Variants in DPYD observed in about 807,000 individuals in gnomAD.
DPYD encodes dihydropyrimidine dehydrogenase [NADP(+)].
In DPYD, 109 loss-of-function variants were observed where a neutral mutation model predicts 116.2. The observed-to-expected ratio is 0.94, with a 90% CI of 0.80 to 1.10. The LOEUF (loss-of-function observed/expected upper bound fraction) is 1.10. DPYD is among the 50% of genes least tolerant of loss of function. DPYD has a pLI of 0.00. For synonymous variants in DPYD, 440 were observed against 432.0 expected (o/e 1.02, Z -0.23); for missense variants, 1,302 against 1,254.5 (o/e 1.04, Z -0.57).
intron 2 of DPYD, among the ~76,000 whole-genome samples, chr1:97,845,917 G>T (rs1670277864): frequency 6.6e-6 from 1 of 152,184 alleles, no homozygotes; most frequent in Non-Finnish European, 1.5e-5. Context: ...CATGGAGCCG[G>T]GACCTGTACC....
intron 16 of DPYD, among the ~76,000 whole-genome samples, chr1:97,324,138 C>A (rs59879323): frequency 0.22 from 33,443 of 151,882 alleles, 3,938 homozygotes; most frequent in Non-Finnish European, 0.27. Context: ...GGTGTTCATT[C>A]TCTGAGCCTT....
chr1:97,463,953 A>G (rs895351008), intron 13 of DPYD, among the ~76,000 whole-genome samples: 51 of 152,226 alleles, frequency 3.4e-4, no homozygotes, highest in African/African-American at 1.1e-3. Context: ...AAAATTTTCA[A>G]CCTAGCTGGG....
chr1:97,401,642 G>A (rs1577897), intron 14 of DPYD, among the ~76,000 whole-genome samples: 18,528 of 151,926 alleles, frequency 0.12, 1,253 homozygotes, highest in East Asian at 0.19. Context: ...GAAACCCAGC[G>A]TATCAATAAT....
chr1:97,446,213 G>C (rs1676079499), intron 14 of DPYD, among the ~76,000 whole-genome samples: 1 of 152,046 alleles, frequency 6.6e-6, no homozygotes, highest in African/African-American at 2.4e-5. Flanking sequence ...TTGTTACTTA[G>C]TGCCTTAATA....
chr1:97,525,664 T>C (rs963607042), intron 12 of DPYD, among the ~76,000 whole-genome samples: 2 of 152,004 alleles, frequency 1.3e-5, no homozygotes, highest in Non-Finnish European at 2.9e-5. Flanking sequence ...GATTCTAACA[T>C]AGAGTGGCAT....
chr1:97,613,275 CAATTGAGTTTAAGTCTGGGA>C, intron 8 of DPYD, among the ~76,000 whole-genome samples: 1 of 151,914 alleles, frequency 6.6e-6, no homozygotes, highest in Non-Finnish European at 1.5e-5. Flanking sequence ...GGTTAATAGT[CAATTGAGTTTAAGTCTGGGA>C]ACCCTCTTTC....
intron 3 of DPYD, among the ~76,000 whole-genome samples, chr1:97,773,671 C>T (rs1117019): frequency 0.96 from 146,650 of 152,276 alleles, 70,836 homozygotes; most frequent in East Asian, 1. Context: ...CAGAACGACA[C>T]GGCCATAGAT....
At chr1:97,101,362 TAA>T (rs994202190) in intron 20 of DPYD, among the ~76,000 whole-genome samples, 2 of 145,916 alleles carry the variant, frequency 1.4e-5, no homozygotes, top group African/African-American at 5.1e-5. Flanking sequence ...ATTTTAAAAG[TAA>T]AGTTTTCCGA....
chr1:97,087,721 T>C (rs565271731), intron 21 of DPYD, among the ~76,000 whole-genome samples: 4 of 152,312 alleles, frequency 2.6e-5, no homozygotes, highest in Non-Finnish European at 5.9e-5. Flanking sequence ...TTTAAATTCA[T>C]TTAATGAAGG....
At chr1:97,351,874 T>C (rs1392966730) in intron 16 of DPYD, among the ~76,000 whole-genome samples, 2 of 152,134 alleles carry the variant, frequency 1.3e-5, no homozygotes, top group Non-Finnish European at 2.9e-5. Flanking sequence ...AAAGAAGAAT[T>C]GAATTGCAGA....
intron 13 of DPYD, among the ~76,000 whole-genome samples, chr1:97,464,263 TAAAATAAAATAAAATAAAATAAAG>T (rs1429095845): frequency 2.8e-5 from 4 of 144,010 alleles, no homozygotes; most frequent in East Asian, 4.1e-4. Flanking sequence ...TAAAATAAAA[TAAAATAAAATAAAATAAAATAAAG>T]AAAAGAAAAT....
At chr1:97,516,089 T>C in intron 12 of DPYD, 148 bp from the exon 13 acceptor site, 1 of 781,102 alleles carries the variant, frequency 1.3e-6, no homozygotes, top group Middle Eastern at 3.0e-4. Flanking sequence ...AAAAAGTCAG[T>C]GAGCAGTGAA....
intron 19 of DPYD, among the ~76,000 whole-genome samples, chr1:97,196,682 T>C (rs1658837047): frequency 6.6e-6 from 1 of 152,154 alleles, no homozygotes; most frequent in Non-Finnish European, 1.5e-5. Context: ...TTCAGCCCCA[T>C]TTTACAGGTG....
chr1:97,229,131 G>C (rs1322324166), intron 19 of DPYD, among the ~76,000 whole-genome samples: 1 of 149,814 alleles, frequency 6.7e-6, no homozygotes, highest in Non-Finnish European at 1.5e-5. Flanking sequence ...GTGAACCCGG[G>C]AGGCGGAGCT....
At chr1:97,155,796 CTTT>C (rs764765208) in intron 20 of DPYD, among the ~76,000 whole-genome samples, 182 of 152,194 alleles carry the variant, frequency 1.2e-3, no homozygotes, top group Admixed American at 1.6e-3. Flanking sequence ...CCTTAGTGTT[CTTT>C]TGATCTCACT....
At chr1:97,854,371 C>T (rs1670715760) in intron 2 of DPYD, among the ~76,000 whole-genome samples, 1 of 152,156 alleles carries the variant, frequency 6.6e-6, no homozygotes, top group Non-Finnish European at 1.5e-5. Context: ...TATTCTCAAT[C>T]TGATACTCAA....
chr1:97,086,125 C>G (rs1649494635), intron 21 of DPYD, among the ~76,000 whole-genome samples: 1 of 152,166 alleles, frequency 6.6e-6, no homozygotes. Context: ...GTGATCTCGG[C>G]TCACTGCAAG....
chr1:97,754,816 A>G (rs1311624925), intron 3 of DPYD, among the ~76,000 whole-genome samples: 1 of 152,190 alleles, frequency 6.6e-6, no homozygotes, highest in African/African-American at 2.4e-5. Context: ...TTTTTCTTCA[A>G]TTAAAACCCT....
intron 14 of DPYD, among the ~76,000 whole-genome samples, chr1:97,397,608 G>A (rs1673087953): frequency 6.6e-6 from 1 of 151,850 alleles, no homozygotes. Context: ...CATATAATTG[G>A]AATCACACAG....
Sources: allele counts gnomAD v4.1 joint callset (sites outside exome capture counted in the v4.1 genomes callset), GRCh38; gene constraint gnomAD v4.1.1; transcripts MANE v1.5; gene names NCBI Gene and HGNC (gene_info 2026-07-23, HGNC 2026-07-21).